The following CELF2 variants were observed in gnomAD, a reference collection of about 807,000 sequenced individuals.
The protein encoded by CELF2 is CUGBP Elav-like family member 2.
Under a neutral mutation model 62.6 loss-of-function variants are expected in CELF2, and 8 were observed. That is an observed-to-expected ratio of 0.13 (90% CI 0.07 to 0.23). CELF2 has a LOEUF of 0.23. Among genes scored for constraint, CELF2 ranks in the 10% least tolerant of loss-of-function variants. The pLI is 1.00. For missense variants in CELF2, 333 were observed against 671.0 expected (o/e 0.50, Z 5.56); for synonymous variants, 258 against 250.0 (o/e 1.03, Z -0.30).
At chr10:10,476,319 T>C in the CELF2 span, among the ~76,000 whole-genome samples, 1 of 152,188 alleles carries the variant, frequency 6.6e-6, no homozygotes, top group African/African-American at 2.4e-5. Context: ...TTATGTTTAC[T>C]ATCAAGAAGG....
Position 11,191,488 on chromosome 10 carries a change from G to A in CELF2, c.271+25806G>A, listed in dbSNP as rs538485269. On this transcript the variant is annotated intron_variant, in intron 2 of 12. Coordinates refer to ENST00000633077, the MANE Select transcript of CELF2 (RefSeq NM_001326342.2). This position sits in a 1 kb window ranked among gnomAD's most constrained non-coding sequence, Gnocchi z 4.1. ...TCTGGACCAGGACGTGCTGTGGGGC[G>A]TCAGCTACCAACCTTGTGGTCTCGG... Among the ~76,000 whole-genome samples the A allele has an allele frequency of 2.6e-5, 4 of 152,304 alleles. No homozygotes were observed. Among genetic ancestry groups the A allele is most frequent in the South Asian group, 2.1e-4 (1 of 4,818 alleles).
the CELF2 span, among the ~76,000 whole-genome samples, chr10:10,545,539 T>C: frequency 6.6e-6 from 1 of 152,224 alleles, no homozygotes. Flanking sequence ...TACCACATTA[T>C]TCTGGAAAAT....
chr10:10,662,174 C>T, the CELF2 span, among the ~76,000 whole-genome samples: 1 of 152,130 alleles, frequency 6.6e-6, no homozygotes, highest in African/African-American at 2.4e-5. Flanking sequence ...TCCACTGTAC[C>T]AGCTCAGCCA....
chr10:11,094,295 C>T (rs1303694848), intron 1 of CELF2, among the ~76,000 whole-genome samples: 11 of 152,166 alleles, frequency 7.2e-5, no homozygotes, highest in Admixed American at 7.2e-4. Flanking sequence ...TCTAAAATGC[C>T]ATCATTTGTA....
chr10:11,276,355 A>G (rs1461669173), intron 8 of CELF2, among the ~76,000 whole-genome samples: 1 of 152,174 alleles, frequency 6.6e-6, no homozygotes, highest in African/African-American at 2.4e-5. Flanking sequence ...GTTCCGTTGT[A>G]ACATAGCTTT....
chr10:10,730,592 T>A, the CELF2 span, among the ~76,000 whole-genome samples: 1 of 152,222 alleles, frequency 6.6e-6, no homozygotes, highest in Non-Finnish European at 1.5e-5. Flanking sequence ...ATTGCACAGA[T>A]GGATAGATGC....
At chr10:10,726,816 C>G in the CELF2 span, among the ~76,000 whole-genome samples, 2 of 152,214 alleles carry the variant, frequency 1.3e-5, no homozygotes, top group East Asian at 3.8e-4. Flanking sequence ...TTTGTTCTCA[C>G]ATTGCTATCA....
rs533314453 is a variant in CELF2, at chr10:11,128,474, G to A, written c.75-37012G>A. Among the ~76,000 whole-genome samples, 386 of 152,252 alleles carry A rather than the reference G, an allele frequency of 2.5e-3. 3 individuals are homozygous for A. The highest frequency in any genetic ancestry group is 3.4e-3 in the Non-Finnish European group (234 of 68,014). ...TCTATAAATTACCTTGGGCAGTATG[G>A]CCATTTTCACGATATTGATTCTTCC... On this transcript the variant is annotated intron_variant, in intron 1 of 12. Transcript: ENST00000633077.
the CELF2 span, among the ~76,000 whole-genome samples, chr10:10,540,314 T>A: frequency 6.6e-6 from 1 of 152,152 alleles, no homozygotes; most frequent in Non-Finnish European, 1.5e-5. Flanking sequence ...GCTCCCTGGC[T>A]CCTAGCACCC....
chr10:10,985,313 A>T (rs1043102555), intron 2 of CELF2, among the ~76,000 whole-genome samples: 118 of 149,936 alleles, frequency 7.9e-4, no homozygotes, highest in African/African-American at 2.9e-3. Context: ...TTTAACACCC[A>T]TTAATAGCTA....
chr10:11,044,982 G>A (rs1035929887), intron 1 of CELF2, among the ~76,000 whole-genome samples: 8 of 152,108 alleles, frequency 5.3e-5, no homozygotes, highest in African/African-American at 7.2e-5. Flanking sequence ...GCCTCTACTC[G>A]CCTGTTTATT....
intron 1 of CELF2, among the ~76,000 whole-genome samples, chr10:11,040,271 A>G (rs1285658350): frequency 6.6e-6 from 1 of 152,218 alleles, no homozygotes; most frequent in East Asian, 1.9e-4. Flanking sequence ...AGCATTAACA[A>G]GATATAGACA....
At chr10:11,158,448 C>G (rs1369553542) in intron 1 of CELF2, among the ~76,000 whole-genome samples, 1 of 152,098 alleles carries the variant, frequency 6.6e-6, no homozygotes, top group Non-Finnish European at 1.5e-5. Flanking sequence ...CCTACCTCTC[C>G]CTGTGCAAAC....
chr10:11,059,251 C>G (rs886142068), intron 1 of CELF2, among the ~76,000 whole-genome samples: 2 of 152,184 alleles, frequency 1.3e-5, no homozygotes, highest in African/African-American at 4.8e-5. Flanking sequence ...ACATTCTATT[C>G]CTTAATCCCT....
At chr10:11,190,980 G>A (rs1210314324) in intron 2 of CELF2, among the ~76,000 whole-genome samples, 3 of 152,184 alleles carry the variant, frequency 2.0e-5, no homozygotes, top group Admixed American at 6.5e-5. Flanking sequence ...AGTGGTTACA[G>A]TTGCACAGCA....
chr10:10,678,614 G>T, the CELF2 span, among the ~76,000 whole-genome samples: 12 of 151,854 alleles, frequency 7.9e-5, no homozygotes, highest in Non-Finnish European at 1.3e-4. Flanking sequence ...CGGCCAAAAG[G>T]CCAGAAACTG....
chr10:11,089,455 G>A (rs1351877755), intron 1 of CELF2, among the ~76,000 whole-genome samples: 1 of 152,202 alleles, frequency 6.6e-6, no homozygotes, highest in Admixed American at 6.5e-5. Context: ...AAGCGTAACT[G>A]CTGCAGGCAT....
At chr10:11,013,279 A>G (rs1314616403), upstream of CELF2, among the ~76,000 whole-genome samples, 1 of 152,238 alleles carries the variant, frequency 6.6e-6, no homozygotes, top group African/African-American at 2.4e-5. The surrounding 1 kb of genome is among the most constrained non-coding windows in gnomAD (Gnocchi z 4.1). Context: ...AAGCTGAGAA[A>G]GAAAGAAATA....
chr10:11,019,917 C>T (rs1271365691), intron 1 of CELF2, among the ~76,000 whole-genome samples: 2 of 152,232 alleles, frequency 1.3e-5, no homozygotes, highest in Admixed American at 6.5e-5. Context: ...GAAGAATTCG[C>T]CTAATCATGA....
Sources: allele counts gnomAD v4.1 joint callset (sites outside exome capture counted in the v4.1 genomes callset), GRCh38; gene constraint gnomAD v4.1.1; non-coding constraint Gnocchi (gnomAD v3.1); transcripts MANE v1.5; gene names NCBI Gene and HGNC (gene_info 2026-07-23, HGNC 2026-07-21).